IL27: variants seen among roughly 807,000 people sequenced by gnomAD.
IL27 encodes the protein interleukin-27 subunit alpha.
In IL27, 11 loss-of-function variants were observed where a neutral mutation model predicts 27.0. The observed-to-expected ratio is 0.41, with a 90% CI of 0.26 to 0.67. The LOEUF is 0.67. IL27 is among the 30% of genes least tolerant of loss of function. The pLI is 0.34. For missense variants in IL27, 299 were observed against 310.4 expected (o/e 0.96, Z 0.28); for synonymous variants, 134 against 140.6 (o/e 0.95, Z 0.33).
At position 28,499,858 on chromosome 16, in the gene IL27, C is replaced by CTCT. The variant is rs2046420524; in HGVS notation, c.524_525insAGA (p.Glu176dup). 1 of 1,553,960 alleles carries CTCT rather than the reference C, an allele frequency of 6.4e-7. No individual in the cohort carries two copies. The highest frequency in any genetic ancestry group is 1.4e-5 in the African/African-American group (1 of 72,696). ...CCCCTGGGAGCAGCCCCTTCCTCTC[C>CTCT]TCCTCCTCCTCCTCCTCTTCCTCCT... On this transcript the variant is annotated inframe_insertion, in exon 5 of 5. Coordinates refer to ENST00000356897, the MANE Select transcript of IL27 (RefSeq NM_145659.3).
intron 4 of IL27, 67 bp from the exon 5 acceptor site, chr16:28,499,987 A>G: frequency 6.8e-7 from 1 of 1,466,548 alleles, no homozygotes; most frequent in Non-Finnish European, 9.0e-7. Flanking sequence ...CTCATTCCCT[A>G]TTCATGCCCA....
At chr16:28,503,282 G>T (rs997468411) in intron 3 of IL27, among the ~76,000 whole-genome samples, 53 of 152,056 alleles carry the variant, frequency 3.5e-4, no homozygotes, top group African/African-American at 1.2e-3. Flanking sequence ...CTGAGACAGG[G>T]TTTCCCTCTG....
At position 28,503,922 on chromosome 16, in the gene IL27, C is replaced by T. The variant is rs777385432; in HGVS notation, c.160G>A (p.Ala54Thr). The T allele has an allele frequency of 3.7e-6, 6 of 1,614,192 alleles. No individual in the cohort carries two copies. Among genetic ancestry groups the T allele is most frequent in the South Asian group, 3.3e-5 (3 of 91,080 alleles). Residue 54 changes from alanine (A) to threonine (T), a missense_variant, in exon 2 of 5, where the codon GCC becomes ACC. Coordinates refer to ENST00000356897, the MANE Select transcript of IL27 (RefSeq NM_145659.3). Reference sequence around the variant, plus strand: ...CGAACCTCGGAGAGCAGCTTCCTGGCGAGATGCAGGCTGACTGTGAACTCC... The same window carrying T: ...CGAACCTCGGAGAGCAGCTTCCTGGTGAGATGCAGGCTGACTGTGAACTCC... The part of the protein sequence containing the change: ...RREFTVSLHL[A>T]RKLLSEVRGQ...
At position 28,506,736 on chromosome 16, in the gene IL27, C is replaced by T. The variant is rs774182357; in HGVS notation, c.31+45G>A. ...TGCACCAGCCAAGCTCGTCCATTCT[C>T]TGCCCAAACTCAACCAAGCCCCCCA... On this transcript the variant is annotated intron_variant, in intron 1 of 4. Transcript: ENST00000356897. 7.5e-6 allele frequency: 12 copies of T among 1,600,322 alleles called. No homozygotes were observed. In the African/African-American group the frequency reaches 1.2e-4, roughly 16 times the overall value.
Position 28,502,146 on chromosome 16 carries a change from G to A in IL27, c.304-12C>T, listed in dbSNP as rs1241285437. 5.7e-6 allele frequency: 9 copies of A among 1,581,852 alleles called. No homozygotes were observed. The highest frequency in any genetic ancestry group is 2.3e-5 in the East Asian group (1 of 43,154). On this transcript the variant is annotated splice_polypyrimidine_tract_variant and intron_variant, in intron 3 of 4. Coordinates refer to ENST00000356897, the MANE Select transcript of IL27 (RefSeq NM_145659.3). ...AGACGCTCCGGGTCCTGAAGGGGAG[G>A]GAGATGGTCAGGAAAGGTCCACAGG...
chr16:28,503,582 C>T, intron 3 of IL27, 113 bp downstream of exon 3: 1 of 740,140 alleles, frequency 1.4e-6, no homozygotes, highest in South Asian at 1.8e-5. Flanking sequence ...ACATATTCAG[C>T]CTTATCCAGG....
intron 4 of IL27, 88 bp downstream of exon 4, chr16:28,501,888 C>T (rs1027975528): frequency 5.5e-6 from 8 of 1,453,742 alleles, no homozygotes; most frequent in Non-Finnish European, 7.5e-6. Context: ...CTCACACTCA[C>T]ACACACTCAG....
chr16:28,504,129 T>C (rs910400347), intron 1 of IL27, 79 bp from the exon 2 acceptor site: 3 of 1,425,936 alleles, frequency 2.1e-6, no homozygotes. Flanking sequence ...GAGCCTGTGC[T>C]AGCTGTGAGC....
intron 4 of IL27, among the ~76,000 whole-genome samples, chr16:28,500,494 C>T (rs1462356334): frequency 1.3e-5 from 2 of 151,984 alleles, no homozygotes; most frequent in East Asian, 1.9e-4. Context: ...AGGCTGGTCT[C>T]GAACTCCTGA....
intron 3 of IL27, among the ~76,000 whole-genome samples, chr16:28,502,532 A>T (rs240709): frequency 0.079 from 11,913 of 150,714 alleles, 552 homozygotes; most frequent in East Asian, 0.19. Flanking sequence ...ATGTGCCCAG[A>T]CTCACTCTTT....
intron 3 of IL27, among the ~76,000 whole-genome samples, chr16:28,502,627 C>G (rs2046439089): frequency 6.6e-6 from 1 of 152,072 alleles, no homozygotes; most frequent in African/African-American, 2.4e-5. Flanking sequence ...TTCTCCATCC[C>G]ATGCTTAACG....
Position 28,502,183 on chromosome 16 carries a change from C to A in IL27, c.304-49G>T, listed in dbSNP as rs778074267. 1.7e-5 allele frequency: 26 copies of A among 1,505,388 alleles called. No homozygotes were observed. The East Asian group carries it at 6.2e-4, about 36-fold the overall frequency. The allele number at this position is 1,505,388 out of a possible 1,614,324, so 93.3% of individuals were successfully genotyped here. A position where few individuals can be genotyped will look rare whatever the true frequency, so the allele number is the denominator to read the frequency against. On this transcript the variant is annotated intron_variant, in intron 3 of 4. Transcript: ENST00000356897. ...GAAAGGTCCACAGGCCAAGGATGGC[C>A]ATATCACACCCACCCCCTCCCTATC...
chr16:28,506,502 T>C (rs1337473621), intron 1 of IL27, among the ~76,000 whole-genome samples: 1 of 152,144 alleles, frequency 6.6e-6, no homozygotes, highest in Non-Finnish European at 1.5e-5. Context: ...TTTATCTGCC[T>C]AGACCTGGTC....
chr16:28,504,524 C>T (rs1039169831), intron 1 of IL27, among the ~76,000 whole-genome samples: 5 of 151,424 alleles, frequency 3.3e-5, no homozygotes, highest in African/African-American at 9.7e-5. Flanking sequence ...GCAGCCAGCA[C>T]GGCCCCCATA....
At position 28,499,972 on chromosome 16, in the gene IL27, G is replaced by A; in HGVS notation, c.463-52C>T. On this transcript the variant is annotated intron_variant, in intron 4 of 4. Coordinates refer to ENST00000356897, the MANE Select transcript of IL27 (RefSeq NM_145659.3). ...AGGGGCCAGGCCGAGAACCTGAGAG[G>A]AATCCTCATTCCCTATTCATGCCCA... 8 of 1,489,200 alleles carry A rather than the reference G, an allele frequency of 5.4e-6. No individual in the cohort carries two copies. The South Asian group carries it at 1.0e-4, about 19-fold the overall frequency. 92.2% of individuals were successfully genotyped at this position (1,489,200 alleles called of 1,614,324 possible). A position where few individuals can be genotyped will look rare whatever the true frequency, so the allele number is the denominator to read the frequency against.
rs770382465 is a variant in IL27 at position 28,502,062 on chromosome 16, G to C, written c.376C>G (p.Gln126Glu). The change falls in exon 4 of 5, where the codon CAG becomes GAG. Residue 126 changes from glutamine to glutamate, a missense_variant. Coordinates refer to ENST00000356897, the MANE Select transcript of IL27 (RefSeq NM_145659.3). ...FHALLGGLGT[Q>E]GRWTNMERMQ... ...CTCTCCATGTTGGTCCAGCGGCCCT[G>C]GGTCCCCAGCCCTCCCAGCAGGGCA... is the stretch of plus-strand genomic sequence containing the variant. 4 of 1,613,700 alleles carry C rather than the reference G, an allele frequency of 2.5e-6. No individual in the cohort carries two copies. The highest frequency in any genetic ancestry group is 3.4e-6 in the Non-Finnish European group (4 of 1,179,914).
rs763420121 is a variant in IL27 at position 28,499,876 on chromosome 16, TTCCTCC to T, written c.501_506del (p.Glu175_Glu176del). 7.5e-5 allele frequency: 116 copies of T among 1,546,568 alleles called. No homozygotes were observed. The Middle Eastern group carries it at 8.3e-4, about 11-fold the overall frequency. ...TCCTCTCCTCCTCCTCCTCCTCCTCTTCCTCCTCCTCCTCCTCCGGGAGGTTGAATC... is the reference window on the plus strand; with the variant it reads ...TCCTCTCCTCCTCCTCCTCCTCCTCTTCCTCCTCCTCCGGGAGGTTGAATC... On this transcript the variant is annotated inframe_deletion, in exon 5 of 5. Transcript: ENST00000356897.
intron 4 of IL27, among the ~76,000 whole-genome samples, 157 bp downstream of exon 4, chr16:28,501,815 CCACA>C (rs538106788): frequency 0.011 from 1,646 of 151,526 alleles, 21 homozygotes; most frequent in Admixed American, 0.029. Flanking sequence ...ACTTACGGAC[CCACA>C]CAGTCACTCT....
At position 28,499,746 on chromosome 16, in the gene IL27, C is replaced by G; in HGVS notation, c.637G>C (p.Val213Leu). Residue 213 changes from valine (V) to leucine (L), a missense_variant, in exon 5 of 5, where the codon GTC becomes CTC. By Grantham distance (32) the Val-to-Leu change is conservative (BLOSUM62 1). Coordinates refer to ENST00000356897, the MANE Select transcript of IL27 (RefSeq NM_145659.3). The part of the protein sequence containing the change: ...TYRLLHSLEL[V>L]LSRAVRELLL... ...AACTCCCGCACGGCCCGAGATAAGA[C>G]GAGCTCCAAGGAGTGCAGCAGGCGG... is the stretch of plus-strand genomic sequence containing the variant. 2 of 1,613,472 alleles carry G rather than the reference C, an allele frequency of 1.2e-6. No individual in the cohort carries two copies. Among genetic ancestry groups the G allele is most frequent in the Non-Finnish European group, 1.7e-6 (2 of 1,179,798 alleles).
Sources: allele counts gnomAD v4.1 joint callset (sites outside exome capture counted in the v4.1 genomes callset), GRCh38; gene constraint gnomAD v4.1.1; transcripts MANE v1.5; gene names NCBI Gene and HGNC (gene_info 2026-07-23, HGNC 2026-07-21).